EFCAB8: variants seen among roughly 807,000 people sequenced by gnomAD.
EFCAB8 encodes EF-hand calcium-binding domain-containing protein 8.
EFCAB8 carries 100 observed loss-of-function variants against 116.3 expected under a neutral mutation model. That is an observed-to-expected ratio of 0.86 (90% CI 0.73 to 1.02). EFCAB8 has a LOEUF of 1.02. Among genes scored for constraint, EFCAB8 ranks in the 50% least tolerant of loss-of-function variants. EFCAB8 has a pLI of 0.00. For synonymous variants in EFCAB8, 558 were observed against 567.9 expected (o/e 0.98, Z 0.25); for missense variants, 1,320 against 1,416.9 (o/e 0.93, Z 1.10).
chr20:32,940,003 G>GCCTGCCTGCCTGCCTC, intron 22 of EFCAB8, among the ~76,000 whole-genome samples: 1 of 58,000 alleles, frequency 1.7e-5, no homozygotes, highest in South Asian at 5.4e-4. Flanking sequence ...CTGCCTGCCT[G>GCCTGCCTGCCTGCCTC]CCTCCCTCCC....
At chr20:32,952,820 TGTG>T (rs1297344619) in intron 23 of EFCAB8, among the ~76,000 whole-genome samples, 1 of 152,222 alleles carries the variant, frequency 6.6e-6, no homozygotes, top group African/African-American at 2.4e-5. Flanking sequence ...ACTTTAAAAT[TGTG>T]GTAAAATATA....
intron 15 of EFCAB8, among the ~76,000 whole-genome samples, chr20:32,910,193 G>A (rs1277029337): frequency 2.6e-5 from 4 of 152,206 alleles, no homozygotes; most frequent in Admixed American, 6.5e-5. Flanking sequence ...TTGGCTGAGC[G>A]CCTTGGGTCA....
At chr20:32,895,027 G>C (rs1392855858) in intron 9 of EFCAB8, among the ~76,000 whole-genome samples, 2 of 152,272 alleles carry the variant, frequency 1.3e-5, no homozygotes, top group African/African-American at 4.8e-5. Flanking sequence ...TGAGCCGCCA[G>C]ATCCATCCTT....
intron 23 of EFCAB8, 73 bp downstream of exon 23, chr20:32,943,877 T>C: frequency 2.4e-6 from 1 of 414,742 alleles, no homozygotes; most frequent in Non-Finnish European, 4.4e-6. Flanking sequence ...CATAAGCTGG[T>C]ATGAACTTTG....
chr20:32,897,521 C>A lies in EFCAB8; in HGVS notation c.958-972C>A, dbSNP rs995392766. On this transcript the variant is annotated intron_variant, in intron 10 of 26. Coordinates refer to ENST00000400522, the MANE Select transcript of EFCAB8 (RefSeq NM_001143967.2). ...GCAGTGGTGCGATCATGGCTCACTGCAGCCTTGACCTCCCGGGCTTAGGTG... is the reference window on the plus strand; with the variant it reads ...GCAGTGGTGCGATCATGGCTCACTGAAGCCTTGACCTCCCGGGCTTAGGTG... Among the ~76,000 whole-genome samples, 5 of 151,378 alleles carry A rather than the reference C, an allele frequency of 3.3e-5. No homozygotes were observed. The East Asian group carries it at 9.7e-4, about 29-fold the overall frequency.
At chr20:32,893,063 A>G in intron 8 of EFCAB8, 111 bp from the exon 9 acceptor site, 1 of 1,338,574 alleles carries the variant, frequency 7.5e-7, no homozygotes, top group South Asian at 1.3e-5. Flanking sequence ...CTGGTCTCGA[A>G]CTCCTGACCT....
chr20:32,889,268 C>T (rs1985790705), intron 6 of EFCAB8, 33 bp from the exon 7 acceptor site: 1 of 1,538,956 alleles, frequency 6.5e-7, no homozygotes. Flanking sequence ...AGTATGCGTC[C>T]CAGCCCATCT....
chr20:32,908,141 ATG>A, intron 13 of EFCAB8, 132 bp from the exon 14 acceptor site: 43 of 802,476 alleles, frequency 5.4e-5, no homozygotes, highest in Non-Finnish European at 7.1e-5. Flanking sequence ...TGCCAACACC[ATG>A]TGTGTGTGTT....
chr20:32,889,388 T>G lies in EFCAB8; in HGVS notation c.655T>G (p.Ser219Ala). ...LHNMNLVAVASTRQKIDFFDI... is the reference protein window; with the variant it reads ...LHNMNLVAVAATRQKIDFFDI... ...CAATATGAACCTCGTTGCAGTTGCG[T>G]CTACCAGGCAAAAGATAGGTGAGTC... is the stretch of plus-strand genomic sequence containing the variant. The change falls in exon 7 of 27, where the codon TCT (serine) becomes GCT (alanine). Residue 219 changes from serine (S) to alanine (A), a missense_variant. By Grantham distance (99) the Ser-to-Ala change is moderately conservative. Coordinates refer to ENST00000400522, the MANE Select transcript of EFCAB8 (RefSeq NM_001143967.2). 6.4e-7 allele frequency: 1 copy of G among 1,551,856 alleles called. No individual in the cohort carries two copies. Among genetic ancestry groups the G allele is most frequent in the Non-Finnish European group, 8.7e-7 (1 of 1,147,022 alleles).
At chr20:32,860,701 A>G (rs773094246) in intron 1 of EFCAB8, among the ~76,000 whole-genome samples, 4 of 151,806 alleles carry the variant, frequency 2.6e-5, no homozygotes, top group Non-Finnish European at 5.9e-5. Flanking sequence ...AAAAATTGGC[A>G]TCATAGTGTG....
At position 32,909,861 on chromosome 20, in the gene EFCAB8, T is replaced by C; in HGVS notation, c.1487T>C (p.Ile496Thr). The C allele has an allele frequency of 8.0e-7, 1 of 1,249,938 alleles. No homozygotes were observed. Among genetic ancestry groups the C allele is most frequent in the Non-Finnish European group, 1.0e-6 (1 of 988,276 alleles). The allele number at this position is 1,249,938 out of a possible 1,614,324, so 77.4% of individuals were successfully genotyped here. A position where few individuals can be genotyped will look rare whatever the true frequency, so the allele number is the denominator to read the frequency against. ...LKGYLEAQGL[I>T]KARKRTTHCS... ...GGGTACTTAGAGGCCCAGGGGCTTATCAAAGCAAGGAAGAGGACCACTCAT... is the reference window on the plus strand; with the variant it reads ...GGGTACTTAGAGGCCCAGGGGCTTACCAAAGCAAGGAAGAGGACCACTCAT... Residue 496 changes from isoleucine (I) to threonine (T), a missense_variant, in exon 15 of 27, where the codon ATC becomes ACC. Physicochemically the swap from Ile to Thr is moderately conservative, Grantham distance 89 (BLOSUM62 -1). Coordinates refer to ENST00000400522, the MANE Select transcript of EFCAB8 (RefSeq NM_001143967.2).
At chr20:32,947,322 T>C (rs975236901) in intron 23 of EFCAB8, among the ~76,000 whole-genome samples, 1 of 152,216 alleles carries the variant, frequency 6.6e-6, no homozygotes, top group African/African-American at 2.4e-5. Flanking sequence ...CAGAAAATCA[T>C]TAATGATATA....
At position 32,920,222 on chromosome 20, in the gene EFCAB8, C is replaced by T. The variant is rs571913446; in HGVS notation, c.2412+7C>T. 3.3e-5 allele frequency: 51 copies of T among 1,551,286 alleles called. No homozygotes were observed. The highest frequency in any genetic ancestry group is 2.0e-4 in the Admixed American group (10 of 50,960). On this transcript the variant is annotated splice_region_variant and intron_variant, in intron 20 of 26. Transcript: ENST00000400522. ...CAGTGCCTCGGTGGAGAAGGTTGGC[C>T]GTGATCAGCCAGGGAGAGGGATATG...
chr20:32,910,567 G>A (rs1986871419), intron 15 of EFCAB8, among the ~76,000 whole-genome samples: 1 of 152,076 alleles, frequency 6.6e-6, no homozygotes, highest in African/African-American at 2.4e-5. Context: ...GCACAAGGCT[G>A]GAGCTCACCA....
At chr20:32,879,104 GC>G (rs1044562034) in intron 5 of EFCAB8, among the ~76,000 whole-genome samples, 2 of 152,228 alleles carry the variant, frequency 1.3e-5, no homozygotes, top group African/African-American at 4.8e-5. Context: ...GGCCCTCTCA[GC>G]CCCCATTCCC....
intron 3 of EFCAB8, among the ~76,000 whole-genome samples, chr20:32,872,269 C>T (rs1018699438): frequency 6.6e-6 from 1 of 152,172 alleles, no homozygotes; most frequent in East Asian, 1.9e-4. Flanking sequence ...CAAGCAACCA[C>T]GCCTCTCTGT....
At position 32,876,261 on chromosome 20, in the gene EFCAB8, G is replaced by A. The variant is rs116771121; in HGVS notation, c.327+217G>A. 4.8e-3 allele frequency among the ~76,000 whole-genome samples: 727 copies of A among 152,276 alleles called. 7 individuals are homozygous for A. The highest frequency in any genetic ancestry group is 0.017 in the African/African-American group (700 of 41,544). On this transcript the variant is annotated intron_variant, in intron 4 of 26. Transcript: ENST00000400522. ...AGCTCATTCCCCAGGGACAAGTGTC[G>A]TTGGCCCCTGTGTGAGACCTACTGA...
chr20:32,908,122 G>A (rs957124720), intron 13 of EFCAB8, among the ~76,000 whole-genome samples, 153 bp from the exon 14 acceptor site: 5 of 152,180 alleles, frequency 3.3e-5, no homozygotes, highest in Non-Finnish European at 7.3e-5. Flanking sequence ...CTGCTGCTGG[G>A]TGTGACGGTG....
rs761749060 is a variant in EFCAB8, at chr20:32,937,897, G to A, written c.2791-5739G>A. 1.1e-4 allele frequency among the ~76,000 whole-genome samples: 17 copies of A among 149,890 alleles called. 1 individual carries two copies. Among genetic ancestry groups the A allele is most frequent in the Admixed American group, 2.6e-4 (4 of 15,110 alleles). ...CTCCCAAAGTGCTGGGATTACAGGC[G>A]TGAGCCACCACACCTGGCTAAAGAA... On this transcript the variant is annotated intron_variant, in intron 22 of 26. Coordinates refer to ENST00000400522, the MANE Select transcript of EFCAB8 (RefSeq NM_001143967.2).
Sources: allele counts gnomAD v4.1 joint callset (sites outside exome capture counted in the v4.1 genomes callset), GRCh38; gene constraint gnomAD v4.1.1; transcripts MANE v1.5; gene names NCBI Gene and HGNC (gene_info 2026-07-23, HGNC 2026-07-21).